FSIP1: variants seen among roughly 807,000 people sequenced by gnomAD.
FSIP1 encodes fibrous sheath-interacting protein 1.
FSIP1 carries 65 observed loss-of-function variants against 60.9 expected under a neutral mutation model. That is an observed-to-expected ratio of 1.07 (90% CI 0.87 to 1.31). FSIP1 has a LOEUF of 1.31. FSIP1 is among the 40% of genes most tolerant of loss of function. FSIP1 has a pLI of 0.00. For synonymous variants in FSIP1, 209 were observed against 221.2 expected (o/e 0.94, Z 0.49); for missense variants, 675 against 665.5 (o/e 1.01, Z -0.16).
intron 10 of FSIP1, among the ~76,000 whole-genome samples, chr15:39,667,373 G>T (rs1414705652): frequency 6.6e-6 from 1 of 152,180 alleles, no homozygotes; most frequent in East Asian, 1.9e-4. Flanking sequence ...GGTAGCACAT[G>T]TAGAGCTTGA....
chr15:39,741,073 T>C (rs149928316), intron 6 of FSIP1, among the ~76,000 whole-genome samples: 1 of 152,336 alleles, frequency 6.6e-6, no homozygotes, highest in East Asian at 1.9e-4. Context: ...ATAACACTTC[T>C]TTCCATAATT....
At chr15:39,769,209 G>A (rs1897796497) in intron 3 of FSIP1, among the ~76,000 whole-genome samples, 1 of 151,410 alleles carries the variant, frequency 6.6e-6, no homozygotes, top group South Asian at 2.1e-4. Flanking sequence ...AACCCGGGAG[G>A]CAGAGCTTGC....
At chr15:39,709,983 G>C (rs1241802623) in intron 10 of FSIP1, among the ~76,000 whole-genome samples, 1 of 152,172 alleles carries the variant, frequency 6.6e-6, no homozygotes, top group Non-Finnish European at 1.5e-5. Context: ...CAAGGTCACA[G>C]AGCAGGCTAT....
intron 2 of FSIP1, among the ~76,000 whole-genome samples, chr15:39,773,739 GC>G (rs1212635174): frequency 6.6e-6 from 1 of 152,184 alleles, no homozygotes; most frequent in Non-Finnish European, 1.5e-5. Flanking sequence ...TATTAAGTAT[GC>G]TAGGAGATAA....
rs1243349178 is a variant in FSIP1, at chr15:39,763,896, C to T, written c.484G>A (p.Ala162Thr). Residue 162 changes from alanine to threonine, a missense_variant, in exon 5 of 12, where the codon GCT becomes ACT. Transcript: ENST00000350221. The stretch of plus-strand genomic sequence containing the variant: ...TCCATCTCCTCTTTACTTTGCCAAG[C>T]TTCACTATATTTTGCAGACTAATGA... ...EEIKSAKYSE[A>T]WQSKEEMENT... The T allele has an allele frequency of 1.1e-5, 17 of 1,588,222 alleles. No homozygotes were observed. The highest frequency in any genetic ancestry group is 1.5e-5 in the Non-Finnish European group (17 of 1,157,622).
intron 10 of FSIP1, among the ~76,000 whole-genome samples, chr15:39,650,465 C>A (rs1892819417): frequency 6.6e-6 from 1 of 152,100 alleles, no homozygotes; most frequent in South Asian, 2.1e-4. Flanking sequence ...TCCCTTATGA[C>A]TAAAAGTAAA....
intron 10 of FSIP1, among the ~76,000 whole-genome samples, chr15:39,624,854 T>C (rs1891574743): frequency 6.6e-6 from 1 of 152,166 alleles, no homozygotes. Context: ...GCAAATATCA[T>C]TGCCAGAGAA....
intron 10 of FSIP1, among the ~76,000 whole-genome samples, chr15:39,659,030 T>C (rs1312994821): frequency 6.6e-6 from 1 of 152,230 alleles, no homozygotes; most frequent in Admixed American, 6.5e-5. Flanking sequence ...TTTGAAAATA[T>C]TATGTTTAGT....
intron 10 of FSIP1, among the ~76,000 whole-genome samples, chr15:39,690,881 G>C (rs1193507261): frequency 6.6e-6 from 1 of 152,202 alleles, no homozygotes. Context: ...CCTAATGCTA[G>C]CCAGTTCAAC....
rs115670096 is a variant in FSIP1 at position 39,612,615 on chromosome 15, A to T, written c.1699+5120T>A. On this transcript the variant is annotated intron_variant, in intron 11 of 11. Transcript: ENST00000350221. ...AAAAGAACCAACTAAGTCCAAAGTT[A>T]GCAGAAGAAAGAAAATAACAAATAT... 9.3e-3 allele frequency among the ~76,000 whole-genome samples: 1,421 copies of T among 152,282 alleles called. 25 individuals are homozygous for T. The highest frequency in any genetic ancestry group is 0.033 in the African/African-American group (1,359 of 41,576).
intron 10 of FSIP1, among the ~76,000 whole-genome samples, chr15:39,710,810 T>C (rs1206388389): frequency 3.9e-5 from 6 of 152,256 alleles, no homozygotes; most frequent in Non-Finnish European, 8.8e-5. Context: ...GTGGTATTTA[T>C]CTCATGGAGC....
chr15:39,730,541 A>C (rs1404697795), intron 8 of FSIP1, among the ~76,000 whole-genome samples: 1 of 152,206 alleles, frequency 6.6e-6, no homozygotes, highest in Non-Finnish European at 1.5e-5. Flanking sequence ...TGATAATCAG[A>C]GGCATTATAG....
chr15:39,716,300 A>T (rs1220077659), intron 9 of FSIP1, among the ~76,000 whole-genome samples: 1 of 152,168 alleles, frequency 6.6e-6, no homozygotes, highest in Non-Finnish European at 1.5e-5. Context: ...TACAACTATG[A>T]TTTTTTCTAA....
chr15:39,726,875 C>T, intron 8 of FSIP1, 128 bp from the exon 9 acceptor site: 1 of 590,024 alleles, frequency 1.7e-6, no homozygotes, highest in Non-Finnish European at 3.0e-6. Flanking sequence ...ACACACACAA[C>T]ACACACAAAC....
chr15:39,665,551 C>T (rs942754933), intron 10 of FSIP1, among the ~76,000 whole-genome samples: 3 of 152,068 alleles, frequency 2.0e-5, no homozygotes, highest in East Asian at 1.9e-4. Flanking sequence ...AATGAGAAAA[C>T]GGAAAATGGT....
intron 10 of FSIP1, among the ~76,000 whole-genome samples, chr15:39,629,660 T>C (rs899600672): frequency 2.0e-5 from 3 of 152,224 alleles, no homozygotes; most frequent in African/African-American, 7.2e-5. Context: ...GCTTCCTCAC[T>C]ACTGTCCCTG....
intron 11 of FSIP1, among the ~76,000 whole-genome samples, chr15:39,605,406 G>A (rs1164699251): frequency 1.3e-5 from 2 of 152,138 alleles, no homozygotes; most frequent in Non-Finnish European, 2.9e-5. Context: ...TTTGTAACAG[G>A]GCTTCTCAAA....
chr15:39,645,322 A>G (rs915370566), intron 10 of FSIP1, among the ~76,000 whole-genome samples: 1 of 152,196 alleles, frequency 6.6e-6, no homozygotes, highest in South Asian at 2.1e-4. Context: ...TGCACACTCC[A>G]TGGAGCCAGT....
intron 10 of FSIP1, among the ~76,000 whole-genome samples, chr15:39,700,059 T>C (rs1894993870): frequency 6.6e-6 from 1 of 152,170 alleles, no homozygotes; most frequent in South Asian, 2.1e-4. Flanking sequence ...AAAATTCAAG[T>C]TTCTAAAATG....
Sources: allele counts gnomAD v4.1 joint callset (sites outside exome capture counted in the v4.1 genomes callset), GRCh38; gene constraint gnomAD v4.1.1; transcripts MANE v1.5; gene names NCBI Gene and HGNC (gene_info 2026-07-23, HGNC 2026-07-21).